The following TBXAS1 variants were observed in gnomAD, a reference collection of about 807,000 sequenced individuals.
The protein encoded by TBXAS1 is thromboxane-A synthase.
In TBXAS1, 48 loss-of-function variants were observed where a neutral mutation model predicts 60.7. That is an observed-to-expected ratio of 0.79 (90% CI 0.63 to 1.01). TBXAS1 has a LOEUF of 1.01. TBXAS1 is among the 50% of genes least tolerant of loss of function. TBXAS1 has a pLI of 0.00. For missense variants in TBXAS1, 685 were observed against 686.3 expected, an observed-to-expected ratio of 1.00 and a Z score of 0.02; for synonymous variants, 287 against 269.7, an observed-to-expected ratio of 1.06 and a Z score of -0.63.
chr7:139,983,732 AT>A (rs8192848), intron 9 of TBXAS1, among the ~76,000 whole-genome samples: 83 of 151,294 alleles, frequency 5.5e-4, no homozygotes, highest in African/African-American at 1.8e-3. Context: ...CTCCGCACAC[AT>A]TTTTTTTTCT....
At chr7:140,016,145 G>T (rs10272425) in intron 11 of TBXAS1, among the ~76,000 whole-genome samples, 84 of 151,984 alleles carry the variant, frequency 5.5e-4, no homozygotes, top group Middle Eastern at 3.4e-3. Context: ...TGGCTAACAC[G>T]GTGAAACCCC....
chr7:139,880,460 A>C (rs1337623178), intron 3 of TBXAS1, among the ~76,000 whole-genome samples: 1 of 152,160 alleles, frequency 6.6e-6, no homozygotes, highest in Non-Finnish European at 1.5e-5. Context: ...TTTGTACATA[A>C]TTCATAAAGT....
intron 9 of TBXAS1, among the ~76,000 whole-genome samples, chr7:139,985,442 C>G (rs1812378404): frequency 6.6e-6 from 1 of 152,178 alleles, no homozygotes; most frequent in Non-Finnish European, 1.5e-5. Flanking sequence ...TTCCAAAGGC[C>G]AGGGTGGTCG....
chr7:140,017,529 G>A, intron 11 of TBXAS1, 142 bp from the exon 12 acceptor site: 1 of 1,120,040 alleles, frequency 8.9e-7, no homozygotes, highest in East Asian at 2.5e-5. Flanking sequence ...GAGGGACTGA[G>A]GCTCAGGAAT....
intron 9 of TBXAS1, 30 bp downstream of exon 9, chr7:139,962,263 G>A (rs1810432070): frequency 3.1e-6 from 5 of 1,612,414 alleles, no homozygotes; most frequent in Non-Finnish European, 3.4e-6. Flanking sequence ...AGTTACCCAT[G>A]GGATATCCAT....
rs1805942562 is a variant in TBXAS1 at position 139,916,091 on chromosome 7, A to G, written c.333+4770A>G. Among the ~76,000 whole-genome samples, 1 of 152,200 alleles carries G rather than the reference A, an allele frequency of 6.6e-6. No homozygotes were observed. Among genetic ancestry groups the G allele is most frequent in the Non-Finnish European group, 1.5e-5 (1 of 68,042 alleles). ...GGATGTTTCTATTTAGATATTTTCA[A>G]TGAGCTCTTCTTTGCTGTCAGGTAC... On this transcript the variant is annotated intron_variant, in intron 4 of 12. Transcript: ENST00000448866. This position sits in a 1 kb window ranked among gnomAD's most constrained non-coding sequence, Gnocchi z 4.2.
At chr7:139,986,304 A>G (rs554118255) in intron 9 of TBXAS1, among the ~76,000 whole-genome samples, 3 of 152,196 alleles carry the variant, frequency 2.0e-5, no homozygotes, top group Non-Finnish European at 4.4e-5. Context: ...GACTAGGGCC[A>G]CACAGCTGAG....
At chr7:139,855,497 G>C (rs767510945) in intron 1 of TBXAS1, among the ~76,000 whole-genome samples, 7 of 152,052 alleles carry the variant, frequency 4.6e-5, no homozygotes, top group Non-Finnish European at 1.0e-4. Context: ...GGGGATGTCA[G>C]GAGGCTGGGG....
chr7:139,801,568 C>T (rs1282283312), intron 4 of TBXAS1, among the ~76,000 whole-genome samples: 2 of 151,974 alleles, frequency 1.3e-5, no homozygotes, highest in Non-Finnish European at 2.9e-5. Flanking sequence ...CTCCCAGGCT[C>T]AAACAATCCT....
At chr7:139,890,907 T>C (rs1391062513) in intron 3 of TBXAS1, among the ~76,000 whole-genome samples, 2 of 152,170 alleles carry the variant, frequency 1.3e-5, no homozygotes, top group Non-Finnish European at 2.9e-5. Context: ...TGTTTTTTTT[T>C]CACATGTTCT....
chr7:139,858,969 A>T (rs927708200), intron 1 of TBXAS1, among the ~76,000 whole-genome samples: 2 of 151,618 alleles, frequency 1.3e-5, no homozygotes, highest in African/African-American at 4.9e-5. Flanking sequence ...CCTGGGTTCA[A>T]GTGACTCACC....
intron 4 of TBXAS1, among the ~76,000 whole-genome samples, chr7:139,795,337 C>A (rs201276740): frequency 0.2 from 9,438 of 48,322 alleles, no homozygotes; most frequent in Non-Finnish European, 0.22. Flanking sequence ...CTGTTCATGT[C>A]CTTCGCCCAC....
At chr7:139,988,935 T>C (rs35581069) in intron 9 of TBXAS1, among the ~76,000 whole-genome samples, 66 of 152,030 alleles carry the variant, frequency 4.3e-4, no homozygotes, top group Non-Finnish European at 7.5e-4. Flanking sequence ...GCTGGTCTGG[T>C]GTGTGAGGGG....
intron 5 of TBXAS1, among the ~76,000 whole-genome samples, chr7:139,953,149 T>C (rs1809546593): frequency 6.6e-6 from 1 of 152,218 alleles, no homozygotes; most frequent in Non-Finnish European, 1.5e-5. Context: ...CTTCCAAAGA[T>C]AAAAAATGCT....
At chr7:139,929,931 G>A (rs1032061508) in intron 4 of TBXAS1, among the ~76,000 whole-genome samples, 2 of 152,186 alleles carry the variant, frequency 1.3e-5, no homozygotes, top group Admixed American at 1.3e-4. Context: ...TAAAACAGAA[G>A]TCAGCTCAAG....
chr7:139,945,395 GTC>G (rs1370109030), intron 5 of TBXAS1, among the ~76,000 whole-genome samples: 1 of 152,228 alleles, frequency 6.6e-6, no homozygotes, highest in Non-Finnish European at 1.5e-5. Flanking sequence ...ACCAGCATGA[GTC>G]TCAGCTTTCT....
At chr7:139,985,149 T>C (rs936355013) in intron 9 of TBXAS1, among the ~76,000 whole-genome samples, 1 of 152,206 alleles carries the variant, frequency 6.6e-6, no homozygotes, top group African/African-American at 2.4e-5. Context: ...CAGACCAGTG[T>C]CCTCCAATTA....
chr7:139,805,479 T>G (rs1189088049), intron 4 of TBXAS1, among the ~76,000 whole-genome samples: 1 of 152,182 alleles, frequency 6.6e-6, no homozygotes, highest in Non-Finnish European at 1.5e-5. Flanking sequence ...TTCAGTGGGA[T>G]GGACCTTCCA....
intron 4 of TBXAS1, among the ~76,000 whole-genome samples, chr7:139,809,198 TGATAGATA>T (rs1554466809): frequency 2.9e-5 from 4 of 140,320 alleles, no homozygotes; most frequent in East Asian, 4.1e-4. Context: ...AGGAGATAGA[TGATAGATA>T]GATAGATAGA....
Sources: gnomAD v4.1 joint callset for allele counts (sites outside exome capture counted in the v4.1 genomes callset) on GRCh38, gnomAD v4.1.1 for gene constraint, Gnocchi (gnomAD v3.1) non-coding constraint, MANE v1.5 for transcripts, NCBI Gene and HGNC (gene_info 2026-07-23, HGNC 2026-07-21) for gene names.